The following TNPO1 variants were observed in gnomAD, a reference collection of about 807,000 sequenced individuals.
The protein encoded by TNPO1 is transportin-1.
In TNPO1, 8 loss-of-function variants were observed where a neutral mutation model predicts 119.5. The ratio of observed to expected loss-of-function variants is 0.07; its 90% confidence interval spans 0.04 to 0.12. The LOEUF (loss-of-function observed/expected upper bound fraction) is 0.12. TNPO1 is among the 10% of genes least tolerant of loss of function. The pLI is 1.00. For synonymous variants in TNPO1, 362 were observed against 363.0 expected (o/e 1.00, Z 0.03); for missense variants, 576 against 1,089.8 (o/e 0.53, Z 6.64).
intron 11 of TNPO1, 115 bp downstream of exon 11, chr5:72,883,347 G>A (rs924102796): frequency 6.2e-6 from 4 of 641,252 alleles, no homozygotes; most frequent in African/African-American, 5.5e-5. Context: ...TTGGTTTTTA[G>A]TATATTCAGA....
chr5:72,817,379 C>A (rs547466580), intron 1 of TNPO1, among the ~76,000 whole-genome samples: 1 of 152,330 alleles, frequency 6.6e-6, no homozygotes, highest in South Asian at 2.1e-4. Context: ...CCTTCTACCT[C>A]CACTCCCATG....
At chr5:72,878,826 C>G in intron 9 of TNPO1, 1 of 392,180 alleles carries the variant, frequency 2.5e-6, no homozygotes, top group Non-Finnish European at 5.1e-6. Flanking sequence ...TTTTTTTCTT[C>G]AAGAGCAGAA....
chr5:72,897,867 G>T (rs1749547438), intron 20 of TNPO1, among the ~76,000 whole-genome samples: 1 of 151,854 alleles, frequency 6.6e-6, no homozygotes, highest in Non-Finnish European at 1.5e-5. Flanking sequence ...AATTCAATGA[G>T]TATTCTACCA....
intron 4 of TNPO1, among the ~76,000 whole-genome samples, chr5:72,858,221 G>T: frequency 6.7e-6 from 1 of 149,166 alleles, no homozygotes; most frequent in East Asian, 1.9e-4. Context: ...GAAGGTGGTT[G>T]TGGGTAGAAG....
At chr5:72,867,170 G>A (rs1201570946) in intron 6 of TNPO1, among the ~76,000 whole-genome samples, 2 of 149,712 alleles carry the variant, frequency 1.3e-5, no homozygotes, top group African/African-American at 2.4e-5. Flanking sequence ...GACCCTGCCT[G>A]AAAAAAAAAA....
chr5:72,831,393 G>A (rs1744456114), intron 1 of TNPO1, among the ~76,000 whole-genome samples: 1 of 151,538 alleles, frequency 6.6e-6, no homozygotes, highest in Admixed American at 6.6e-5. Context: ...TGAAAAATTA[G>A]GAAATTAGTG....
chr5:72,859,554 A>C (rs1324640215), intron 4 of TNPO1, among the ~76,000 whole-genome samples: 1 of 152,210 alleles, frequency 6.6e-6, no homozygotes, highest in Non-Finnish European at 1.5e-5. Context: ...TAACCTTAAC[A>C]ATACATGTTG....
At chr5:72,829,012 T>C (rs1226388582) in intron 1 of TNPO1, among the ~76,000 whole-genome samples, 1 of 152,218 alleles carries the variant, frequency 6.6e-6, no homozygotes, top group Non-Finnish European at 1.5e-5. Flanking sequence ...TGGTACTCAT[T>C]GTTTAGAAAG....
At chr5:72,883,310 TTAC>T (rs1211332248) in intron 11 of TNPO1, 78 bp downstream of exon 11, 1 of 699,758 alleles carries the variant, frequency 1.4e-6, no homozygotes, top group Non-Finnish European at 2.6e-6. Flanking sequence ...ACTGTACAGT[TTAC>T]TACCCATTAA....
chr5:72,835,703 C>A, intron 1 of TNPO1, among the ~76,000 whole-genome samples: 1 of 152,202 alleles, frequency 6.6e-6, no homozygotes, highest in East Asian at 1.9e-4. Context: ...CATTCTGCCC[C>A]TGGCCCCCCA....
chr5:72,856,188 T>C (rs1745982923), intron 4 of TNPO1, among the ~76,000 whole-genome samples: 1 of 152,176 alleles, frequency 6.6e-6, no homozygotes, highest in African/African-American at 2.4e-5. Flanking sequence ...CAAGTGATAT[T>C]AATTTGCGGA....
chr5:72,893,810 T>C, intron 18 of TNPO1, 107 bp downstream of exon 18: 1 of 1,040,652 alleles, frequency 9.6e-7, no homozygotes. Context: ...CCAACATTTA[T>C]AAATGTACAC....
intron 8 of TNPO1, among the ~76,000 whole-genome samples, chr5:72,876,487 A>G (rs1159022203): frequency 2.6e-5 from 4 of 152,176 alleles, no homozygotes; most frequent in Admixed American, 1.3e-4. Flanking sequence ...TGTCACTACT[A>G]CTTCCCAAAT....
chr5:72,903,475 G>T (rs1032464498), intron 22 of TNPO1, among the ~76,000 whole-genome samples: 5 of 152,184 alleles, frequency 3.3e-5, no homozygotes, highest in South Asian at 2.1e-4. Context: ...GTTGTGTGAT[G>T]CAGGACATTA....
In TNPO1 at chr5:72,893,514, A is replaced by G. The variant is rs542188831; in HGVS notation, c.2034A>G (p.Thr678=). 6.2e-7 allele frequency: 1 copy of G among 1,614,210 alleles called. No homozygotes were observed. The highest frequency in any genetic ancestry group is 8.5e-7 in the Non-Finnish European group (1 of 1,180,026). The change falls in exon 17 of 25, where the codon ACA becomes ACG. Residue 678 remains threonine (T), a synonymous_variant. Transcript: ENST00000337273. ...EQLVARSNIL[T]LMYQCMQDKM... ...TGGTAGCCCGAAGTAACATCCTGAC[A>G]CTAATGTATCAGTGCATGCAGGTGA...
rs775541456 is a variant in TNPO1, at chr5:72,875,720, A to G, written c.784A>G (p.Met262Val). 2 of 1,610,878 alleles carry G rather than the reference A, an allele frequency of 1.2e-6. No homozygotes were observed. Among genetic ancestry groups the G allele is most frequent in the Non-Finnish European group, 1.7e-6 (2 of 1,177,560 alleles). Residue 262 changes from methionine (M) to valine (V), a missense_variant, in exon 8 of 25, where the codon ATG becomes GTG. Met to Val is a conservative substitution (Grantham distance 21, BLOSUM62 1). Coordinates refer to ENST00000337273, the MANE Select transcript of TNPO1 (RefSeq NM_002270.4). ...EVRMDRLLPHMHNIVEYMLQR... is the reference protein window; with the variant it reads ...EVRMDRLLPHVHNIVEYMLQR... ...TCGAATGGATCGCCTGCTTCCTCAC[A>G]TGCATAATATAGTTGAGGTAACACT... is the stretch of plus-strand genomic sequence containing the variant.
chr5:72,848,117 C>A, intron 1 of TNPO1: 10 of 1,141,546 alleles, frequency 8.8e-6, no homozygotes, highest in Non-Finnish European at 9.7e-6. Context: ...TGCAAATTCG[C>A]GGTGACTCAG....
At chr5:72,877,912 A>G (rs1345417410) in intron 9 of TNPO1, among the ~76,000 whole-genome samples, 2 of 152,108 alleles carry the variant, frequency 1.3e-5, no homozygotes, top group Non-Finnish European at 2.9e-5. Context: ...GCATGTATTC[A>G]GGGGGTTTGA....
chr5:72,851,023 T>C (rs1319387230), intron 2 of TNPO1, among the ~76,000 whole-genome samples: 2 of 152,206 alleles, frequency 1.3e-5, no homozygotes, highest in African/African-American at 2.4e-5. Context: ...TTGCATGTAA[T>C]TGATACATTT....
Sources: allele counts gnomAD v4.1 joint callset (sites outside exome capture counted in the v4.1 genomes callset), GRCh38; gene constraint gnomAD v4.1.1; transcripts MANE v1.5; gene names NCBI Gene and HGNC (gene_info 2026-07-23, HGNC 2026-07-21).